Variants in TSPEAR observed in about 807,000 individuals in gnomAD.
TSPEAR encodes the protein thrombospondin-type laminin G domain and EAR repeat-containing protein.
A neutral mutation model predicts 71.6 loss-of-function variants in TSPEAR; 69 were observed. The ratio of observed to expected loss-of-function variants is 0.96; its 90% CI spans 0.79 to 1.18. The LOEUF (loss-of-function observed/expected upper bound fraction) is 1.18, where lower values mean the gene tolerates loss of function less well. Among genes scored for constraint, TSPEAR ranks in the 50% most tolerant of loss-of-function variants. The pLI is 0.00. For synonymous variants in TSPEAR, 402 were observed against 387.2 expected (o/e 1.04, Z -0.45); for missense variants, 971 against 894.9 (o/e 1.09, Z -1.09).
At chr21:44,518,521 A>G (rs2052658197) in intron 9 of TSPEAR, 1 of 402,554 alleles carries the variant, frequency 2.5e-6, no homozygotes, top group Non-Finnish European at 5.2e-6. Context: ...TCACTTTGTG[A>G]TTTAGAATGC....
At chr21:44,543,119 C>T (rs2053249511) in intron 2 of TSPEAR, among the ~76,000 whole-genome samples, 1 of 151,702 alleles carries the variant, frequency 6.6e-6, no homozygotes, top group Admixed American at 6.6e-5. Flanking sequence ...GCAGGATCTG[C>T]ACTACAGAAA....
At chr21:44,523,458 G>T (rs2052778794) in intron 8 of TSPEAR, among the ~76,000 whole-genome samples, 1 of 151,754 alleles carries the variant, frequency 6.6e-6, no homozygotes, top group Non-Finnish European at 1.5e-5. Context: ...TAGTTAATAA[G>T]GTAATCAGTC....
At chr21:44,647,490 A>G (rs1396191461) in intron 1 of TSPEAR, 1 of 1,059,038 alleles carries the variant, frequency 9.4e-7, no homozygotes, top group Non-Finnish European at 1.4e-6. Flanking sequence ...GGGGATTTTG[A>G]GCGCGTCACA....
chr21:44,698,027 C>T (rs1555951024), intron 1 of TSPEAR: 2 of 1,481,468 alleles, frequency 1.4e-6, no homozygotes, highest in East Asian at 2.3e-5. Flanking sequence ...TCTCCCACTA[C>T]TGGCCCCTCG....
intron 1 of TSPEAR, among the ~76,000 whole-genome samples, chr21:44,655,207 A>C (rs1293321552): frequency 6.6e-6 from 1 of 150,418 alleles, no homozygotes. Flanking sequence ...GCAATTTGTA[A>C]GTCATAGAGG....
chr21:44,516,950 A>T (rs868914102), intron 9 of TSPEAR, among the ~76,000 whole-genome samples: 8 of 152,086 alleles, frequency 5.3e-5, no homozygotes, highest in Non-Finnish European at 7.4e-5. Flanking sequence ...CCATCGCAGG[A>T]GCCCCTCGCT....
chr21:44,509,463 GGGGGAGCGGGCGCAGA>G, intron 9 of TSPEAR, 77 bp from the exon 10 acceptor site: 3 of 1,026,708 alleles, frequency 2.9e-6, no homozygotes, highest in Non-Finnish European at 2.8e-6. Context: ...GCAGAGGTGT[GGGGGAGCGGGCGCAGA>G]GGTGTGGGGG....
chr21:44,627,241 G>C, intron 1 of TSPEAR: 2 of 1,612,780 alleles, frequency 1.2e-6, no homozygotes, highest in South Asian at 2.2e-5. Context: ...CGACTGCCCA[G>C]AGAGCTGCTG....
intron 1 of TSPEAR, among the ~76,000 whole-genome samples, chr21:44,634,838 C>G (rs1399122783): frequency 2.0e-5 from 3 of 152,036 alleles, no homozygotes; most frequent in African/African-American, 7.2e-5. Context: ...CATACACCAA[C>G]AAATAGAAGG....
rs1310914900 is a variant in TSPEAR, at chr21:44,689,737, A to ATTTTT, written c.82+21695_82+21696insAAAAA. On this transcript the variant is annotated intron_variant, in intron 1 of 11. Transcript: ENST00000323084. ...AATATATATATATATATATATATAT[A>ATTTTT]TATTTTGGGGGGGGTTACTAAGTAT... 1.0e-3 allele frequency among the ~76,000 whole-genome samples: 127 copies of ATTTTT among 127,148 alleles called. 4 individuals carry two copies. Among genetic ancestry groups the ATTTTT allele is most frequent in the African/African-American group, 3.9e-3 (121 of 31,222 alleles). The allele number at this position is 127,148 out of a possible 152,430, so 83.4% of individuals were successfully genotyped here. A position where few individuals can be genotyped will look rare whatever the true frequency, so the allele number is the denominator to read the frequency against.
chr21:44,558,370 T>C lies in TSPEAR; in HGVS notation c.303+9415A>G, dbSNP rs587620749. 6 of 1,612,136 alleles carry C rather than the reference T, an allele frequency of 3.7e-6. No homozygotes were observed. The highest frequency in any genetic ancestry group is 1.3e-5 in the African/African-American group (1 of 74,490). ...CAGATGGGCTTGCAGCAGACAGGCT[T>C]GCAGCAGACGGGCACACAGCAGACT... is the stretch of plus-strand genomic sequence containing the variant. On this transcript the variant is annotated intron_variant, in intron 2 of 11. Transcript: ENST00000323084.
intron 1 of TSPEAR, chr21:44,647,083 T>G: frequency 6.2e-7 from 1 of 1,613,718 alleles, no homozygotes; most frequent in South Asian, 1.1e-5. Flanking sequence ...GCCTGTCTGC[T>G]CTAGGGCTTC....
At chr21:44,572,474 C>T (rs1266910512) in intron 1 of TSPEAR, among the ~76,000 whole-genome samples, 6 of 152,128 alleles carry the variant, frequency 3.9e-5, no homozygotes, top group African/African-American at 1.4e-4. Context: ...AGCCACACCT[C>T]ACAAGCAAAG....
At chr21:44,661,387 C>A (rs1280559426) in intron 1 of TSPEAR, among the ~76,000 whole-genome samples, 4 of 151,146 alleles carry the variant, frequency 2.6e-5, no homozygotes, top group African/African-American at 7.3e-5. Flanking sequence ...TAAAACATGG[C>A]AACAATAACA....
chr21:44,595,325 C>T (rs587666135), intron 1 of TSPEAR, among the ~76,000 whole-genome samples: 2 of 152,322 alleles, frequency 1.3e-5, no homozygotes, highest in Non-Finnish European at 2.9e-5. Flanking sequence ...CCACCAGCAC[C>T]GAATAACCAA....
At chr21:44,616,499 C>T (rs904880459) in intron 1 of TSPEAR, among the ~76,000 whole-genome samples, 4 of 152,170 alleles carry the variant, frequency 2.6e-5, no homozygotes, top group Non-Finnish European at 5.9e-5. Flanking sequence ...TTCCCCAGTC[C>T]CTCACCATGC....
intron 1 of TSPEAR, among the ~76,000 whole-genome samples, chr21:44,692,864 C>T (rs941813957): frequency 6.6e-6 from 1 of 151,848 alleles, no homozygotes; most frequent in Non-Finnish European, 1.5e-5. Context: ...AGCTGATCTT[C>T]AAGCACATAT....
intron 1 of TSPEAR, among the ~76,000 whole-genome samples, chr21:44,650,850 T>A (rs587656640): frequency 2.0e-5 from 3 of 152,148 alleles, no homozygotes; most frequent in Admixed American, 6.5e-5. Flanking sequence ...GCCACAGAGA[T>A]CCCCAGAGGT....
chr21:44,540,758 G>A (rs1569175278), intron 2 of TSPEAR, among the ~76,000 whole-genome samples: 1 of 152,188 alleles, frequency 6.6e-6, no homozygotes, highest in Non-Finnish European at 1.5e-5. Flanking sequence ...CAAACAGGGA[G>A]AAGGGGAGCA....
Sources: gnomAD v4.1 joint callset for allele counts (sites outside exome capture counted in the v4.1 genomes callset) on GRCh38, gnomAD v4.1.1 for gene constraint, MANE v1.5 for transcripts, NCBI Gene and HGNC (gene_info 2026-07-23, HGNC 2026-07-21) for gene names.